BCAP29: variants seen among roughly 807,000 people sequenced by gnomAD.
BCAP29 encodes the protein B-cell receptor-associated protein 29.
BCAP29 carries 34 observed loss-of-function variants against 31.8 expected under a neutral mutation model. The observed-to-expected ratio is 1.07, with a 90% CI of 0.81 to 1.42. The LOEUF (loss-of-function observed/expected upper bound fraction) is 1.42, where lower values mean the gene tolerates loss of function less well. BCAP29 is among the 40% of genes most tolerant of loss of function. The pLI is 0.00. For missense variants in BCAP29, 314 were observed against 269.2 expected (o/e 1.17, Z -1.16); for synonymous variants, 104 against 91.3 (o/e 1.14, Z -0.79).
chr7:107,580,481 T>C (rs1806402968), intron 1 of BCAP29, 180 bp downstream of exon 1: 1 of 308,966 alleles, frequency 3.2e-6, no homozygotes, highest in Non-Finnish European at 5.9e-6. Context: ...AAGCCGGGCG[T>C]TGGTGGAGGG....
intron 1 of BCAP29, 57 bp downstream of exon 1, chr7:107,580,358 C>G (rs977828177): frequency 1.2e-5 from 2 of 160,244 alleles, no homozygotes; most frequent in African/African-American, 4.8e-5. Context: ...GGGAGAGCGC[C>G]GCTGCCTGGT....
chr7:107,608,178 A>G (rs1425343724), intron 6 of BCAP29, among the ~76,000 whole-genome samples: 1 of 151,134 alleles, frequency 6.6e-6, no homozygotes, highest in Non-Finnish European at 1.5e-5. Context: ...AGAAATGGGG[A>G]TCAGTGTGCA....
intron 6 of BCAP29, among the ~76,000 whole-genome samples, chr7:107,607,841 T>C (rs149437747): frequency 0.016 from 2,482 of 152,086 alleles, 72 homozygotes; most frequent in African/African-American, 0.054. Context: ...GGTTTCACCA[T>C]GTTGGCCAGG....
chr7:107,589,610 A>G (rs1808350238), intron 3 of BCAP29, among the ~76,000 whole-genome samples: 1 of 152,256 alleles, frequency 6.6e-6, no homozygotes, highest in South Asian at 2.1e-4. Context: ...CCTGCTGTGC[A>G]GCCCAATTCC....
Position 107,594,120 on chromosome 7 carries a change from A to G in BCAP29, c.344+15A>G, listed in dbSNP as rs768363646. On this transcript the variant is annotated intron_variant, in intron 4 of 7. Transcript: ENST00000005259. ...TTTTTTTGGCTGTAAGTAAAAAATA[A>G]TAATAGAAGCACAATTTAAAAACAT... The G allele has an allele frequency of 3.8e-6, 6 of 1,573,070 alleles. No homozygotes were observed. The highest frequency in any genetic ancestry group is 5.2e-6 in the Non-Finnish European group (6 of 1,145,170).
At chr7:107,588,098 A>T (rs963061821) in intron 3 of BCAP29, 6 of 152,196 alleles carry the variant, frequency 3.9e-5, no homozygotes, top group African/African-American at 1.4e-4. Context: ...AACCAAGAGG[A>T]TTACAATGAA....
intron 2 of BCAP29, among the ~76,000 whole-genome samples, chr7:107,581,303 T>C (rs1806616139): frequency 6.6e-6 from 1 of 152,222 alleles, no homozygotes; most frequent in Non-Finnish European, 1.5e-5. Flanking sequence ...CCAAAGCCAA[T>C]AAATTATTCT....
chr7:107,601,285 G>C (rs528034629), intron 6 of BCAP29, among the ~76,000 whole-genome samples: 3 of 152,228 alleles, frequency 2.0e-5, no homozygotes, highest in South Asian at 4.1e-4. Flanking sequence ...CAGACACTGA[G>C]AAACCTCACT....
Position 107,618,765 on chromosome 7 carries a change from T to C in BCAP29, c.*402T>C, listed in dbSNP as rs983693949. Reference sequence around the variant, plus strand: ...AATAACCTATTTAATCAGATGATGATGTGTTTGAAAATAGTGTTCAATATC... The same window carrying C: ...AATAACCTATTTAATCAGATGATGACGTGTTTGAAAATAGTGTTCAATATC... On this transcript the variant is annotated 3_prime_UTR_variant, in exon 8 of 8. Coordinates refer to ENST00000005259, the MANE Select transcript of BCAP29 (RefSeq NM_018844.4). The C allele has an allele frequency of 5.5e-6, 3 of 544,464 alleles. No homozygotes were observed. In the South Asian group the frequency reaches 9.4e-5, roughly 17 times the overall value. The allele number at this position is 544,464 out of a possible 1,614,324, so 33.7% of individuals were successfully genotyped here.
intron 7 of BCAP29, among the ~76,000 whole-genome samples, chr7:107,614,633 TTAAG>T (rs1813797789): frequency 6.6e-6 from 1 of 152,218 alleles, no homozygotes; most frequent in Admixed American, 6.5e-5. Context: ...GAGCCAGTAA[TTAAG>T]TAACCCAAAG....
chr7:107,610,620 CACTGAAATACAA>C (rs1175804962), intron 6 of BCAP29, among the ~76,000 whole-genome samples: 1 of 152,048 alleles, frequency 6.6e-6, no homozygotes, highest in Non-Finnish European at 1.5e-5. Flanking sequence ...TATTAATATC[CACTGAAATACAA>C]AATGAAATAA....
intron 3 of BCAP29, among the ~76,000 whole-genome samples, chr7:107,585,160 T>G (rs552896336): frequency 6.6e-6 from 1 of 152,060 alleles, no homozygotes; most frequent in Non-Finnish European, 1.5e-5. Flanking sequence ...TCCCTCAGAG[T>G]TGTTGTGTTG....
intron 6 of BCAP29, among the ~76,000 whole-genome samples, chr7:107,601,852 T>G (rs1308721959): frequency 2.0e-5 from 3 of 152,196 alleles, no homozygotes; most frequent in Non-Finnish European, 4.4e-5. Context: ...TTTCTTATGT[T>G]GTAAGCAGGG....
chr7:107,592,548 G>A (rs1033963475), intron 3 of BCAP29, among the ~76,000 whole-genome samples: 1 of 152,178 alleles, frequency 6.6e-6, no homozygotes. Flanking sequence ...ATTAAACATA[G>A]AGTTACCATA....
intron 5 of BCAP29, among the ~76,000 whole-genome samples, chr7:107,597,100 C>G (rs528252166): frequency 6.6e-6 from 1 of 152,224 alleles, no homozygotes; most frequent in Non-Finnish European, 1.5e-5. Context: ...CAGAGTATAA[C>G]TAATTGACCA....
At chr7:107,613,694 AAAATGGCAGCATT>A in intron 7 of BCAP29, 1 of 1,606,532 alleles carries the variant, frequency 6.2e-7, no homozygotes, top group Non-Finnish European at 8.5e-7. Context: ...AGAAGCCACA[AAAATGGCAGCATT>A]GGAAAACAGA....
At chr7:107,617,065 C>A (rs1814318384) in intron 7 of BCAP29, among the ~76,000 whole-genome samples, 1 of 152,102 alleles carries the variant, frequency 6.6e-6, no homozygotes. Context: ...AACTCTTGTG[C>A]TTTAATGTTC....
Position 107,596,406 on chromosome 7 carries a change from T to G in BCAP29, c.480+404T>G, listed in dbSNP as rs536628422. 2.0e-5 allele frequency among the ~76,000 whole-genome samples: 3 copies of G among 152,332 alleles called. No individual in the cohort carries two copies. In the South Asian group the frequency reaches 6.2e-4, roughly 32 times the overall value. ...TTTAAGCCTAGATTTTCGTTTTCTTTTAAATGATTGGTTTATAGAAAGCAG... is the reference window on the plus strand; with the variant it reads ...TTTAAGCCTAGATTTTCGTTTTCTTGTAAATGATTGGTTTATAGAAAGCAG... On this transcript the variant is annotated intron_variant, in intron 5 of 7. Coordinates refer to ENST00000005259, the MANE Select transcript of BCAP29 (RefSeq NM_018844.4).
At chr7:107,612,437 A>ATATATATATATT (rs771741951) in intron 6 of BCAP29, among the ~76,000 whole-genome samples, 88 of 113,030 alleles carry the variant, frequency 7.8e-4, no homozygotes, top group Non-Finnish European at 1.1e-3. Context: ...ATATATATAT[A>ATATATATATATT]TATTTATTTT....
Sources: allele counts gnomAD v4.1 joint callset (sites outside exome capture counted in the v4.1 genomes callset), GRCh38; gene constraint gnomAD v4.1.1; transcripts MANE v1.5; gene names NCBI Gene and HGNC (gene_info 2026-07-23, HGNC 2026-07-21).